The following GXYLT1 variants were observed in gnomAD, a reference collection of about 807,000 sequenced individuals.
The protein encoded by GXYLT1 is glycosyltransferase 8 domain containing 3.
In GXYLT1, 29 loss-of-function variants were observed where a neutral mutation model predicts 54.0. The observed-to-expected ratio is 0.54, with a 90% CI of 0.40 to 0.73. GXYLT1 has a LOEUF of 0.73. Among genes scored for constraint, GXYLT1 ranks in the 30% least tolerant of loss-of-function variants. GXYLT1 has a pLI of 0.00. For missense variants in GXYLT1, 490 were observed against 553.4 expected, an observed-to-expected ratio of 0.89 and a Z score of 1.15; for synonymous variants, 176 against 204.1, an observed-to-expected ratio of 0.86 and a Z score of 1.17.
chr12:42,108,688 ATAT>A (rs1565571039), intron 4 of GXYLT1, among the ~76,000 whole-genome samples: 1 of 152,158 alleles, frequency 6.6e-6, no homozygotes, highest in Admixed American at 6.5e-5. Context: ...TTTTTTATCA[ATAT>A]TATAACTTAA....
intron 1 of GXYLT1, among the ~76,000 whole-genome samples, chr12:42,140,307 C>T (rs1343582363): frequency 1.3e-5 from 2 of 149,024 alleles, no homozygotes; most frequent in African/African-American, 5.0e-5. Context: ...AACATAAATT[C>T]CTGGACCCCA....
At chr12:42,103,698 G>C (rs543590112) in intron 5 of GXYLT1, among the ~76,000 whole-genome samples, 47 of 152,200 alleles carry the variant, frequency 3.1e-4, no homozygotes, top group South Asian at 1.7e-3. Flanking sequence ...GCAAGAACAG[G>C]GTTGTTTGTA....
chr12:42,129,717 C>A (rs771702362), intron 2 of GXYLT1, 42 bp downstream of exon 2: 1 of 1,223,410 alleles, frequency 8.2e-7, no homozygotes, highest in South Asian at 1.2e-5. Flanking sequence ...AACTATCTAA[C>A]CTTATCTACA....
intron 3 of GXYLT1, among the ~76,000 whole-genome samples, chr12:42,110,291 C>A (rs1407082345): frequency 6.6e-6 from 1 of 152,128 alleles, no homozygotes; most frequent in South Asian, 2.1e-4. Flanking sequence ...TTTCAAGATA[C>A]TGAATTGTTT....
chr12:42,123,025 T>C (rs955683474), intron 2 of GXYLT1, among the ~76,000 whole-genome samples: 1 of 152,122 alleles, frequency 6.6e-6, no homozygotes, highest in Non-Finnish European at 1.5e-5. Flanking sequence ...TTAAGGGACA[T>C]TCTGCAAAAC....
At chr12:42,095,024 T>C (rs908593233) in intron 7 of GXYLT1, among the ~76,000 whole-genome samples, 6 of 152,024 alleles carry the variant, frequency 3.9e-5, no homozygotes, top group Non-Finnish European at 8.8e-5. Flanking sequence ...CAAAAAGATA[T>C]AAAAATATTT....
At position 42,142,201 on chromosome 12, in the gene GXYLT1, G is replaced by C. The variant is rs1015816313; in HGVS notation, c.221+2225C>G. On this transcript the variant is annotated intron_variant, in intron 1 of 7. Transcript: ENST00000398675. ...ACCCTTATCTTTCTTTACAGAAAGA[G>C]CTCTTGTATAACACTCCAAGGATAC... Among the ~76,000 whole-genome samples, 13 of 152,148 alleles carry C rather than the reference G, an allele frequency of 8.5e-5. No homozygotes were observed. In the East Asian group the frequency reaches 1.5e-3, roughly 18 times the overall value.
At chr12:42,126,128 C>T (rs2065560408) in intron 2 of GXYLT1, among the ~76,000 whole-genome samples, 2 of 148,272 alleles carry the variant, frequency 1.3e-5, no homozygotes, top group Admixed American at 1.4e-4. Context: ...GGCTGGAGTG[C>T]AGCGGTGTGG....
intron 3 of GXYLT1, among the ~76,000 whole-genome samples, chr12:42,116,574 C>T (rs10880249): frequency 0.022 from 3,400 of 152,184 alleles, 53 homozygotes; most frequent in East Asian, 0.071. Context: ...AAAACCACAA[C>T]GAGATACCAT....
intron 3 of GXYLT1, among the ~76,000 whole-genome samples, chr12:42,118,465 C>G (rs1416119324): frequency 6.6e-6 from 1 of 152,216 alleles, no homozygotes; most frequent in Non-Finnish European, 1.5e-5. Flanking sequence ...GAACCTTCCT[C>G]TTTCACGTTA....
intron 3 of GXYLT1, among the ~76,000 whole-genome samples, chr12:42,112,575 G>A (rs1023165713): frequency 6.6e-6 from 1 of 152,136 alleles, no homozygotes; most frequent in African/African-American, 2.4e-5. Context: ...AATGAAGCGA[G>A]AAGAGAAGTT....
At chr12:42,104,721 A>C (rs2065409669) in intron 5 of GXYLT1, among the ~76,000 whole-genome samples, 2 of 152,210 alleles carry the variant, frequency 1.3e-5, no homozygotes, top group South Asian at 4.1e-4. Flanking sequence ...AAAAGACTTA[A>C]ATCAGACATG....
chr12:42,104,920 A>G (rs2136888207), intron 5 of GXYLT1, among the ~76,000 whole-genome samples: 1 of 152,342 alleles, frequency 6.6e-6, no homozygotes, highest in South Asian at 2.1e-4. Context: ...CTCAGAAGTC[A>G]CTGTTTTTAG....
At chr12:42,128,755 G>C (rs890412800) in intron 2 of GXYLT1, among the ~76,000 whole-genome samples, 1 of 151,890 alleles carries the variant, frequency 6.6e-6, no homozygotes, top group African/African-American at 2.4e-5. Flanking sequence ...GAGCAGTGGC[G>C]TCATCACAGC....
intron 1 of GXYLT1, among the ~76,000 whole-genome samples, chr12:42,140,889 A>G (rs1239728988): frequency 6.6e-6 from 1 of 152,210 alleles, no homozygotes; most frequent in Non-Finnish European, 1.5e-5. Context: ...GAAATATGAT[A>G]ATTTAATCAT....
intron 7 of GXYLT1, among the ~76,000 whole-genome samples, chr12:42,089,115 G>A (rs1486036857): frequency 2.6e-5 from 4 of 151,742 alleles, no homozygotes; most frequent in South Asian, 2.1e-4. Flanking sequence ...CAAGATAAAC[G>A]TCTAAAATTG....
intron 1 of GXYLT1, among the ~76,000 whole-genome samples, chr12:42,141,857 A>T (rs1293861774): frequency 1.3e-5 from 2 of 152,182 alleles, no homozygotes; most frequent in Non-Finnish European, 2.9e-5. Flanking sequence ...GGCTTCAAAC[A>T]GAATACACTA....
At chr12:42,113,042 C>G (rs368234099) in intron 3 of GXYLT1, among the ~76,000 whole-genome samples, 8 of 150,970 alleles carry the variant, frequency 5.3e-5, no homozygotes, top group African/African-American at 1.2e-4. Context: ...AGCTTCATAA[C>G]TGAAGGAGAA....
chr12:42,119,517 A>T (rs940796806), intron 2 of GXYLT1, among the ~76,000 whole-genome samples: 2 of 152,104 alleles, frequency 1.3e-5, no homozygotes, highest in Non-Finnish European at 2.9e-5. Context: ...GAAGTTCAAA[A>T]TTTTTATTTA....
Sources: gnomAD v4.1 joint callset for allele counts (sites outside exome capture counted in the v4.1 genomes callset) on GRCh38, gnomAD v4.1.1 for gene constraint, MANE v1.5 for transcripts, NCBI Gene and HGNC (gene_info 2026-07-23, HGNC 2026-07-21) for gene names.